Variants in DPYD observed in about 807,000 individuals in gnomAD.
The protein encoded by DPYD is dihydropyrimidine dehydrogenase.
A neutral mutation model predicts 116.2 loss-of-function variants in DPYD; 109 were observed. That is an observed-to-expected ratio of 0.94 (90% CI 0.80 to 1.10). The LOEUF is 1.10. Among genes scored for constraint, DPYD ranks in the 50% least tolerant of loss-of-function variants. The pLI is 0.00. For missense variants in DPYD, 1,302 were observed against 1,254.5 expected (o/e 1.04, Z -0.57); for synonymous variants, 440 against 432.0 (o/e 1.02, Z -0.23).
intron 18 of DPYD, among the ~76,000 whole-genome samples, chr1:97,247,847 T>G (rs936558556): frequency 2.0e-5 from 3 of 152,282 alleles, no homozygotes; most frequent in African/African-American, 7.2e-5. Context: ...CCATAACTAT[T>G]GCACAAGTTG....
intron 11 of DPYD, among the ~76,000 whole-genome samples, chr1:97,551,671 T>C (rs1280877648): frequency 6.6e-6 from 1 of 152,168 alleles, no homozygotes; most frequent in Non-Finnish European, 1.5e-5. Context: ...TTTCATTCTA[T>C]GCTTGAGCAA....
At chr1:97,529,388 A>G (rs1467334534) in intron 12 of DPYD, among the ~76,000 whole-genome samples, 1 of 152,174 alleles carries the variant, frequency 6.6e-6, no homozygotes, top group Non-Finnish European at 1.5e-5. Flanking sequence ...AGTCTATTTT[A>G]TTTATTAATG....
intron 2 of DPYD, among the ~76,000 whole-genome samples, chr1:97,837,136 T>A (rs1315185730): frequency 6.6e-6 from 1 of 152,130 alleles, no homozygotes; most frequent in Non-Finnish European, 1.5e-5. Context: ...TGAATTTGTA[T>A]CAAAAAGAGA....
intron 18 of DPYD, among the ~76,000 whole-genome samples, chr1:97,254,531 G>C (rs909457140): frequency 1.3e-5 from 2 of 152,022 alleles, no homozygotes; most frequent in African/African-American, 2.4e-5. Context: ...TCAACAGAAA[G>C]AGAAAGAGAA....
intron 11 of DPYD, among the ~76,000 whole-genome samples, chr1:97,559,057 G>A (rs1651944602): frequency 6.6e-6 from 1 of 152,016 alleles, no homozygotes; most frequent in Non-Finnish European, 1.5e-5. Flanking sequence ...CCTTTAATCT[G>A]GTTTGGACCA....
intron 13 of DPYD, among the ~76,000 whole-genome samples, chr1:97,482,668 G>A (rs971387157): frequency 6.6e-6 from 1 of 152,132 alleles, no homozygotes; most frequent in African/African-American, 2.4e-5. Flanking sequence ...TGTAATACGA[G>A]TAGCCATTAA....
chr1:97,853,460 C>G (rs1339172696), intron 2 of DPYD, among the ~76,000 whole-genome samples: 1 of 152,120 alleles, frequency 6.6e-6, no homozygotes, highest in Non-Finnish European at 1.5e-5. Context: ...AAACATCAGT[C>G]TTTATGATAT....
chr1:97,304,089 C>A (rs1246442391), intron 18 of DPYD, among the ~76,000 whole-genome samples: 1 of 151,872 alleles, frequency 6.6e-6, no homozygotes, highest in Non-Finnish European at 1.5e-5. Context: ...TGCAATAGTT[C>A]TTTTATTAAT....
At chr1:97,179,717 G>A (rs1441972933) in intron 20 of DPYD, among the ~76,000 whole-genome samples, 5 of 152,032 alleles carry the variant, frequency 3.3e-5, no homozygotes, top group African/African-American at 1.2e-4. Flanking sequence ...CATTTTCTGT[G>A]CGCATTGTAG....
At chr1:97,674,607 A>T (rs765740439) in intron 8 of DPYD, among the ~76,000 whole-genome samples, 1 of 152,032 alleles carries the variant, frequency 6.6e-6, no homozygotes, top group African/African-American at 2.4e-5. Flanking sequence ...TCAGTTATCT[A>T]TAACAGTGAC....
At chr1:97,323,450 A>T (rs1387076555) in intron 16 of DPYD, among the ~76,000 whole-genome samples, 1 of 101,854 alleles carries the variant, frequency 9.8e-6, no homozygotes, top group African/African-American at 2.8e-5. Context: ...ACACGTATAT[A>T]CATATCATAT....
chr1:97,286,247 C>T (rs1665670561), intron 18 of DPYD, among the ~76,000 whole-genome samples: 1 of 152,030 alleles, frequency 6.6e-6, no homozygotes, highest in African/African-American at 2.4e-5. Flanking sequence ...GAATATTGGC[C>T]CCCACTCTCT....
chr1:97,590,651 C>T (rs773127865), intron 10 of DPYD, among the ~76,000 whole-genome samples: 1 of 152,204 alleles, frequency 6.6e-6, no homozygotes, highest in Non-Finnish European at 1.5e-5. Flanking sequence ...CTAAGCTCTA[C>T]TGCAGGCAGG....
intron 19 of DPYD, among the ~76,000 whole-genome samples, chr1:97,193,791 C>T (rs1246133551): frequency 1.4e-5 from 1 of 70,294 alleles, no homozygotes; most frequent in Non-Finnish European, 2.4e-5. Context: ...TTCCTTTCTT[C>T]CTCAAAAAAA....
intron 18 of DPYD, among the ~76,000 whole-genome samples, chr1:97,243,517 C>T (rs1003238443): frequency 6.6e-6 from 1 of 151,866 alleles, no homozygotes; most frequent in African/African-American, 2.4e-5. Context: ...TCCAGGCCTA[C>T]CTGACTCCCA....
intron 14 of DPYD, among the ~76,000 whole-genome samples, chr1:97,433,510 C>T (rs1675295467): frequency 6.6e-6 from 1 of 152,144 alleles, no homozygotes; most frequent in African/African-American, 2.4e-5. Context: ...AGTTTATTTG[C>T]ATTTTCAGAT....
intron 16 of DPYD, among the ~76,000 whole-genome samples, chr1:97,354,029 C>G (rs923959548): frequency 1.3e-5 from 2 of 152,140 alleles, no homozygotes; most frequent in Admixed American, 6.5e-5. Context: ...GTTCCTTCAT[C>G]TGTAAAATGG....
chr1:97,517,523 A>G (rs1648320004), intron 12 of DPYD, among the ~76,000 whole-genome samples: 1 of 152,124 alleles, frequency 6.6e-6, no homozygotes, highest in African/African-American at 2.4e-5. Flanking sequence ...AAATAAACAA[A>G]CAAACAACTT....
chr1:97,784,320 G>A (rs555717827), intron 3 of DPYD, among the ~76,000 whole-genome samples: 10 of 151,940 alleles, frequency 6.6e-5, no homozygotes, highest in Non-Finnish European at 8.8e-5. Context: ...ATTTCTCAGC[G>A]CTTTATACCA....
Sources: gnomAD v4.1 joint callset for allele counts (sites outside exome capture counted in the v4.1 genomes callset) on GRCh38, gnomAD v4.1.1 for gene constraint, MANE v1.5 for transcripts, NCBI Gene and HGNC (gene_info 2026-07-23, HGNC 2026-07-21) for gene names.